ITGA4: variants seen among roughly 807,000 people sequenced by gnomAD.
ITGA4 encodes integrin alpha-4.
Under a neutral mutation model 133.6 loss-of-function variants are expected in ITGA4, and 63 were observed. That is an observed-to-expected ratio of 0.47 (90% CI 0.38 to 0.58). The LOEUF (loss-of-function observed/expected upper bound fraction) is 0.58, where lower values mean the gene tolerates loss of function less well. Among genes scored for constraint, ITGA4 ranks in the 20% least tolerant of loss-of-function variants. ITGA4 has a pLI of 0.00. For synonymous variants in ITGA4, 483 were observed against 438.0 expected, an observed-to-expected ratio of 1.10 and a Z score of -1.28; for missense variants, 1,076 against 1,252.7, an observed-to-expected ratio of 0.86 and a Z score of 2.13.
chr2:181,537,514 C>CT lies in ITGA4; in HGVS notation c.*1988dup. On this transcript the variant is annotated 3_prime_UTR_variant, in exon 28 of 28. Coordinates refer to ENST00000397033, the MANE Select transcript of ITGA4 (RefSeq NM_000885.6). The stretch of plus-strand genomic sequence containing the variant: ...CTTTTTTGGCAGGTAGGCTATATAA[C>CT]TATGTGATTTTGAAATTTAACTGCT... 4.4e-6 allele frequency: 2 copies of CT among 450,056 alleles called. No individual in the cohort carries two copies. The highest frequency in any genetic ancestry group is 8.9e-6 in the Non-Finnish European group (2 of 224,374). The allele number at this position is 450,056 out of a possible 1,614,324, so 27.9% of individuals were successfully genotyped here. A position where few individuals can be genotyped will look rare whatever the true frequency, so the allele number is the denominator to read the frequency against.
At position 181,457,968 on chromosome 2, in the gene ITGA4, G is replaced by C. The variant is rs1253567882; in HGVS notation, c.197+117G>C. 3 of 1,161,420 alleles carry C rather than the reference G, an allele frequency of 2.6e-6. No individual in the cohort carries two copies. The African/African-American group carries it at 4.6e-5, about 18-fold the overall frequency. 71.9% of individuals were successfully genotyped at this position (1,161,420 alleles called of 1,614,324 possible). Reference sequence around the variant, plus strand: ...CCTCCCAAGGAGGCAGGAGGGAAACGCTGCGAGAGCCAGCTCGCTGGAAAT... The same window carrying C: ...CCTCCCAAGGAGGCAGGAGGGAAACCCTGCGAGAGCCAGCTCGCTGGAAAT... On this transcript the variant is annotated intron_variant, in intron 1 of 27. Transcript: ENST00000397033.
At chr2:181,519,905 G>A (rs1686683460) in intron 17 of ITGA4, among the ~76,000 whole-genome samples, 3 of 152,056 alleles carry the variant, frequency 2.0e-5, no homozygotes, top group Non-Finnish European at 1.5e-5. Context: ...CTGACATGTT[G>A]CTTGGACACC....
rs1203961616 is a variant in ITGA4 at position 181,458,270 on chromosome 2, G to A, written c.272G>A (p.Cys91Tyr). The change falls in exon 2 of 28, where the codon TGC becomes TAC. Residue 91 changes from cysteine (C) to tyrosine (Y), a missense_variant. Cys to Tyr is a radical substitution (Grantham distance 194, BLOSUM62 -2). Around this residue, in one of 4 missense-constraint regions of ITGA4, gnomAD observed 436 missense variants for 590.7 expected, o/e 0.74. Coordinates refer to ENST00000397033, the MANE Select transcript of ITGA4 (RefSeq NM_000885.6). ...SVINPGAIYRCRIGKNPGQTC... is the reference protein window; with the variant it reads ...SVINPGAIYRYRIGKNPGQTC... ...ATCAATCCCGGGGCGATTTACAGAT[G>A]CAGGATCGGAAAGAATCCCGGCCAG... The A allele has an allele frequency of 6.2e-7, 1 of 1,613,234 alleles. No individual in the cohort carries two copies.
chr2:181,482,510 A>G lies in ITGA4; in HGVS notation c.904-4A>G. On this transcript the variant is annotated splice_polypyrimidine_tract_variant and splice_region_variant and intron_variant, in intron 8 of 27. Transcript: ENST00000397033. ...ATGAGTGGATCTGGTTTGTTTTGGG[A>G]CAGCTTGGATCGTACTTTGGAGCTT... 1 of 1,613,628 alleles carries G rather than the reference A, an allele frequency of 6.2e-7. No individual in the cohort carries two copies. The highest frequency in any genetic ancestry group is 8.5e-7 in the Non-Finnish European group (1 of 1,179,732).
intron 15 of ITGA4, among the ~76,000 whole-genome samples, chr2:181,503,178 AC>A (rs1686317366): frequency 6.6e-6 from 1 of 152,128 alleles, no homozygotes; most frequent in Non-Finnish European, 1.5e-5. Flanking sequence ...TGCTGACAAT[AC>A]TTTGATTACC....
intron 2 of ITGA4, among the ~76,000 whole-genome samples, chr2:181,467,755 A>G (rs887875702): frequency 3.3e-5 from 5 of 152,228 alleles, no homozygotes; most frequent in African/African-American, 1.2e-4. Context: ...CTAGAGTTCT[A>G]TGCTATAGAG....
chr2:181,495,524 G>A lies in ITGA4; in HGVS notation c.1385+108G>A. 1 of 837,018 alleles carries A rather than the reference G, an allele frequency of 1.2e-6. No individual in the cohort carries two copies. The highest frequency in any genetic ancestry group is 2.5e-5 in the East Asian group (1 of 40,646). The allele number at this position is 837,018 out of a possible 1,614,324, so 51.8% of individuals were successfully genotyped here. A position where few individuals can be genotyped will look rare whatever the true frequency, so the allele number is the denominator to read the frequency against. ...GTAGTGACCTCATGATGCTCTTTTG[G>A]TATTCTGAAGCTTAATTATTGATTT... On this transcript the variant is annotated intron_variant, in intron 13 of 27. Coordinates refer to ENST00000397033, the MANE Select transcript of ITGA4 (RefSeq NM_000885.6). This position sits in a 1 kb window ranked among gnomAD's most constrained non-coding sequence, Gnocchi z 4.3.
intron 10 of ITGA4, among the ~76,000 whole-genome samples, chr2:181,487,976 CTTATT>C (rs974749319): frequency 6.6e-5 from 10 of 152,266 alleles, no homozygotes; most frequent in African/African-American, 2.2e-4. Context: ...TAGTAAAACA[CTTATT>C]TTGTCTATGA....
intron 16 of ITGA4, 98 bp downstream of exon 16, chr2:181,509,905 T>G (rs752255007): frequency 3.0e-5 from 26 of 866,866 alleles, no homozygotes; most frequent in Non-Finnish European, 4.6e-5. Flanking sequence ...TGTCGGAATT[T>G]TTAAAAATAC....
Position 181,535,702 on chromosome 2 carries a change from T to TAGA in ITGA4, c.*180_*182dup. 1 of 705,642 alleles carries TAGA rather than the reference T, an allele frequency of 1.4e-6. No individual in the cohort carries two copies. The highest frequency in any genetic ancestry group is 1.8e-5 in the African/African-American group (1 of 55,970). 43.7% of individuals were successfully genotyped at this position (705,642 alleles called of 1,614,324 possible). On this transcript the variant is annotated 3_prime_UTR_variant, in exon 28 of 28. Transcript: ENST00000397033. ...TCTCAGCAATGATTACTCTTTGAGA[T>TAGA]AGAAGAACTGCAAAGGTAATAATAC...
chr2:181,495,362 A>G lies in ITGA4; in HGVS notation c.1340-9A>G. ...TGATCATTAATCTGTGTTGTTTTTT[A>G]TCCTCCAGATGTAGCAGTTGGTGCT... is the stretch of plus-strand genomic sequence containing the variant. On this transcript the variant is annotated splice_polypyrimidine_tract_variant and intron_variant, in intron 12 of 27. Transcript: ENST00000397033. The surrounding 1 kb of genome is among the most constrained non-coding windows in gnomAD (Gnocchi z 4.3). The G allele has an allele frequency of 8.1e-6, 13 of 1,606,074 alleles. No homozygotes were observed. Among genetic ancestry groups the G allele is most frequent in the Non-Finnish European group, 1.0e-5 (12 of 1,172,934 alleles).
Position 181,495,287 on chromosome 2 carries a change from A to G in ITGA4, c.1340-84A>G. On this transcript the variant is annotated intron_variant, in intron 12 of 27. Transcript: ENST00000397033. This position sits in a 1 kb window ranked among gnomAD's most constrained non-coding sequence, Gnocchi z 4.3. Reference sequence around the variant, plus strand: ...ATAGTGTTTTAGGTAGTCAAAGGTGATACGTAGTTAAGTATTTATGGCTGA... The same window carrying G: ...ATAGTGTTTTAGGTAGTCAAAGGTGGTACGTAGTTAAGTATTTATGGCTGA... 26 of 940,166 alleles carry G rather than the reference A, an allele frequency of 2.8e-5. No individual in the cohort carries two copies. In the South Asian group the frequency reaches 3.4e-4, roughly 12 times the overall value. The allele number at this position is 940,166 out of a possible 1,614,324, so 58.2% of individuals were successfully genotyped here. A position where few individuals can be genotyped will look rare whatever the true frequency, so the allele number is the denominator to read the frequency against.
At chr2:181,513,472 C>A (rs573677367) in intron 17 of ITGA4, among the ~76,000 whole-genome samples, 11 of 152,148 alleles carry the variant, frequency 7.2e-5, no homozygotes, top group Non-Finnish European at 1.2e-4. Flanking sequence ...ATACTACCAC[C>A]TAGATGTCTT....
In ITGA4 at chr2:181,530,573, T is replaced by C. The variant is rs1298552872; in HGVS notation, c.2588T>C (p.Leu863Ser). Residue 863 changes from leucine to serine, a missense_variant, in exon 24 of 28, where the codon TTA becomes TCA. Transcript: ENST00000397033. The stretch of plus-strand genomic sequence containing the variant: ...GAAAATTATCAAAGAGTGTGTGCAT[T>C]AGAGCAGCAAAAGAGTGCAATGCAG... ...HFENYQRVCA[L>S]EQQKSAMQTL... The C allele has an allele frequency of 5.0e-6, 8 of 1,612,878 alleles. No individual in the cohort carries two copies. The highest frequency in any genetic ancestry group is 6.8e-6 in the Non-Finnish European group (8 of 1,179,138).
intron 4 of ITGA4, chr2:181,476,033 G>C (rs1038474595): frequency 1.2e-6 from 1 of 831,846 alleles, no homozygotes; most frequent in African/African-American, 1.7e-5. Context: ...TTATTGGTTG[G>C]CAAAACTTTG....
chr2:181,509,462 T>C (rs1026490802), intron 15 of ITGA4, among the ~76,000 whole-genome samples, 196 bp from the exon 16 acceptor site: 1 of 152,128 alleles, frequency 6.6e-6, no homozygotes, highest in Non-Finnish European at 1.5e-5. Flanking sequence ...TTTTTTGTGT[T>C]TTTCATAAGA....
At chr2:181,485,848 A>C in intron 9 of ITGA4, 33 bp from the exon 10 acceptor site, 1 of 1,544,818 alleles carries the variant, frequency 6.5e-7, no homozygotes, top group East Asian at 2.3e-5. Flanking sequence ...AGGGAGTGTT[A>C]TAATGACACG....
At chr2:181,471,765 C>A (rs1211645907) in intron 2 of ITGA4, among the ~76,000 whole-genome samples, 3 of 152,146 alleles carry the variant, frequency 2.0e-5, no homozygotes, top group African/African-American at 7.2e-5. Context: ...GGTGAATGAA[C>A]CACATCACTG....
At chr2:181,511,103 C>T (rs1686498147) in intron 16 of ITGA4, among the ~76,000 whole-genome samples, 1 of 152,060 alleles carries the variant, frequency 6.6e-6, no homozygotes, top group East Asian at 1.9e-4. Context: ...TTATCTCTCC[C>T]CATTTTTTCC....
Sources: gnomAD v4.1 joint callset for allele counts (sites outside exome capture counted in the v4.1 genomes callset) on GRCh38, gnomAD v4.1.1 for gene constraint, gnomAD v4.1.1 regional missense constraint, Gnocchi (gnomAD v3.1) non-coding constraint, MANE v1.5 for transcripts, NCBI Gene and HGNC (gene_info 2026-07-23, HGNC 2026-07-21) for gene names.